The following ETS1 variants were observed in gnomAD, a reference collection of about 807,000 sequenced individuals.
ETS1 encodes ETS proto-oncogene 1, transcription factor, also known as protein C-ets-1.
In ETS1, 15 loss-of-function variants were observed where a neutral mutation model predicts 58.6. That is an observed-to-expected ratio of 0.26 (90% CI 0.17 to 0.39). The LOEUF is 0.39. Among genes scored for constraint, ETS1 ranks in the 10% least tolerant of loss-of-function variants. The pLI, the probability that ETS1 is intolerant of heterozygous loss-of-function variation, is 1.00. For synonymous variants in ETS1, 214 were observed against 218.2 expected, an observed-to-expected ratio of 0.98 and a Z score of 0.17; for missense variants, 417 against 610.5, an observed-to-expected ratio of 0.68 and a Z score of 3.34.
chr11:128,537,694 C>T (rs1863992161), intron 3 of ETS1, among the ~76,000 whole-genome samples: 1 of 152,074 alleles, frequency 6.6e-6, no homozygotes, highest in South Asian at 2.1e-4. Context: ...ACATATATTT[C>T]TAATTGTGCT....
chr11:128,506,215 C>T (rs1863226904), intron 3 of ETS1, among the ~76,000 whole-genome samples: 1 of 152,120 alleles, frequency 6.6e-6, no homozygotes, highest in African/African-American at 2.4e-5. Context: ...GATGATGGCA[C>T]AACTCTGTGA....
chr11:128,498,546 C>T (rs1031027868), intron 3 of ETS1, among the ~76,000 whole-genome samples: 1 of 152,120 alleles, frequency 6.6e-6, no homozygotes, highest in African/African-American at 2.4e-5. Context: ...ATCCAATGCA[C>T]CTAAGATGCC....
chr11:128,472,989 G>T (rs1417150102), intron 8 of ETS1, among the ~76,000 whole-genome samples: 2 of 151,768 alleles, frequency 1.3e-5, no homozygotes, highest in Non-Finnish European at 2.9e-5. Flanking sequence ...CATCTTATTT[G>T]TTGTTTGCTG....
Position 128,464,740 on chromosome 11 carries a change from A to G in ETS1, c.1124-1113T>C, listed in dbSNP as rs1861989309. Among the ~76,000 whole-genome samples, 1 of 152,348 alleles carries G rather than the reference A, an allele frequency of 6.6e-6. No individual in the cohort carries two copies. Among genetic ancestry groups the G allele is most frequent in the East Asian group, 1.9e-4 (1 of 5,190 alleles). ...GTTGCAAATTTGTCTGATCCAAAGT[A>G]AACTGAGATTTAACAGGAAACAAAC... On this transcript the variant is annotated intron_variant, in intron 8 of 9. Coordinates refer to ENST00000392668, the MANE Select transcript of ETS1 (RefSeq NM_001143820.2). The surrounding 1 kb of genome is among the most constrained non-coding windows in gnomAD (Gnocchi z 4.1).
chr11:128,468,775 G>A (rs949657828), intron 8 of ETS1, among the ~76,000 whole-genome samples: 18 of 152,102 alleles, frequency 1.2e-4, no homozygotes, highest in Admixed American at 4.6e-4. Flanking sequence ...TATGCTGTAA[G>A]GACAAGGACT....
At chr11:128,579,908 T>C (rs1372933569) in intron 1 of ETS1, among the ~76,000 whole-genome samples, 2 of 152,028 alleles carry the variant, frequency 1.3e-5, no homozygotes, top group Non-Finnish European at 2.9e-5. Flanking sequence ...GGCAATTGCA[T>C]GGACCTCCTT....
At chr11:128,485,280 C>A (rs182758096) in intron 6 of ETS1, among the ~76,000 whole-genome samples, 1 of 152,164 alleles carries the variant, frequency 6.6e-6, no homozygotes, top group Admixed American at 6.5e-5. Context: ...GACTTCATAT[C>A]CTCATCTCTA....
At chr11:128,491,798 G>A (rs940432659) in intron 3 of ETS1, among the ~76,000 whole-genome samples, 7 of 152,174 alleles carry the variant, frequency 4.6e-5, no homozygotes, top group African/African-American at 1.4e-4. Flanking sequence ...CATACAGGAC[G>A]AAAAATCTAT....
At position 128,463,557 on chromosome 11, in the gene ETS1, G is replaced by A; in HGVS notation, c.1194C>T (p.Ile398=). The A allele has an allele frequency of 1.9e-6, 3 of 1,613,212 alleles. No individual in the cohort carries two copies. The highest frequency in any genetic ancestry group is 1.7e-6 in the Non-Finnish European group (2 of 1,179,170). ...LLTDKSCQSF[I]SWTGDGWEFK... ...ATTCCCAGCCATCTCCTGTCCAGCT[G>A]ATAAAAGACTGACAGGATTTATCAG... Residue 398 remains isoleucine, a synonymous_variant, in exon 9 of 10, where the codon ATC becomes ATT. Transcript: ENST00000392668. The surrounding 1 kb of genome is among the most constrained non-coding windows in gnomAD (Gnocchi z 4.1).
Position 128,463,362 on chromosome 11 carries a change from G to A in ETS1, c.1242+147C>T. On this transcript the variant is annotated intron_variant, in intron 9 of 9. Coordinates refer to ENST00000392668, the MANE Select transcript of ETS1 (RefSeq NM_001143820.2). The surrounding 1 kb of genome is among the most constrained non-coding windows in gnomAD (Gnocchi z 4.1). ...TTCCAAATAATGAACCTGGAGCTCA[G>A]ACAGGCTACCTAGCTTGCTCCGGGT... is the stretch of plus-strand genomic sequence containing the variant. 1 of 629,360 alleles carries A rather than the reference G, an allele frequency of 1.6e-6. No individual in the cohort carries two copies. The highest frequency in any genetic ancestry group is 2.9e-6 in the Non-Finnish European group (1 of 346,536). The allele number at this position is 629,360 out of a possible 1,614,324, so 39.0% of individuals were successfully genotyped here. A position where few individuals can be genotyped will look rare whatever the true frequency, so the allele number is the denominator to read the frequency against.
chr11:128,554,179 G>C (rs1864278465), intron 3 of ETS1, among the ~76,000 whole-genome samples: 2 of 152,130 alleles, frequency 1.3e-5, no homozygotes, highest in Non-Finnish European at 2.9e-5. Flanking sequence ...GAAAGGCTCA[G>C]GGTTCTTGCC....
At chr11:128,510,725 A>T (rs956355776) in intron 3 of ETS1, among the ~76,000 whole-genome samples, 47 of 152,142 alleles carry the variant, frequency 3.1e-4, no homozygotes, top group Non-Finnish European at 1.6e-4. Context: ...CCAACTTCCC[A>T]TCCCTACCTC....
At chr11:128,477,000 T>A (rs1159738002) in intron 8 of ETS1, among the ~76,000 whole-genome samples, 1 of 151,234 alleles carries the variant, frequency 6.6e-6, no homozygotes, top group African/African-American at 2.4e-5. Flanking sequence ...AGGAAGAATG[T>A]AACTGTGCAG....
intron 3 of ETS1, among the ~76,000 whole-genome samples, chr11:128,529,282 T>C (rs1241678487): frequency 6.6e-6 from 1 of 152,194 alleles, no homozygotes; most frequent in African/African-American, 2.4e-5. Context: ...TTGAAATATA[T>C]CTTCTGGCTA....
chr11:128,538,885 T>C (rs886674731), intron 3 of ETS1, among the ~76,000 whole-genome samples: 5 of 152,102 alleles, frequency 3.3e-5, no homozygotes, highest in Admixed American at 1.3e-4. Flanking sequence ...TATTTTGCCA[T>C]AGATTAAGGA....
intron 3 of ETS1, among the ~76,000 whole-genome samples, chr11:128,504,762 A>G (rs1472924518): frequency 6.6e-6 from 1 of 152,098 alleles, no homozygotes; most frequent in Non-Finnish European, 1.5e-5. Context: ...GCTTTCTCCT[A>G]TATCTTCACT....
intron 4 of ETS1, among the ~76,000 whole-genome samples, chr11:128,490,044 CTG>C (rs1208744163): frequency 6.6e-6 from 1 of 152,218 alleles, no homozygotes; most frequent in Non-Finnish European, 1.5e-5. Context: ...TCTGCAAAGT[CTG>C]TACTTATCAT....
At chr11:128,489,569 A>C in intron 4 of ETS1, 79 bp from the exon 5 acceptor site, 1 of 1,051,886 alleles carries the variant, frequency 9.5e-7, no homozygotes, top group Non-Finnish European at 1.5e-6. Flanking sequence ...ACACTGAAGG[A>C]GCTGAATTTA....
At chr11:128,490,869 C>T (rs1253226323) in intron 3 of ETS1, among the ~76,000 whole-genome samples, 1 of 151,950 alleles carries the variant, frequency 6.6e-6, no homozygotes, top group African/African-American at 2.4e-5. Flanking sequence ...TAGGCATGTG[C>T]CACCATGCCC....
Sources: gnomAD v4.1 joint callset for allele counts (sites outside exome capture counted in the v4.1 genomes callset) on GRCh38, gnomAD v4.1.1 for gene constraint, Gnocchi (gnomAD v3.1) non-coding constraint, MANE v1.5 for transcripts, NCBI Gene and HGNC (gene_info 2026-07-23, HGNC 2026-07-21) for gene names.